Variants in PLA2G12A observed in about 807,000 individuals in gnomAD.
PLA2G12A encodes phospholipase A2 group XIIA.
In PLA2G12A, 11 loss-of-function variants were observed where a neutral mutation model predicts 16.0. That is an observed-to-expected ratio of 0.69 (90% CI 0.43 to 1.13). The LOEUF is 1.13. Ranked by LOEUF, PLA2G12A falls within the 50% of genes most tolerant of loss-of-function variation. The probability of loss-of-function intolerance (pLI) is 0.00; values close to 1 mark genes in which losing one functional copy is unlikely to be tolerated. For missense variants in PLA2G12A, 214 were observed against 237.3 expected (o/e 0.90, Z 0.65); for synonymous variants, 77 against 93.8 (o/e 0.82, Z 1.03).
intron 2 of PLA2G12A, among the ~76,000 whole-genome samples, chr4:109,718,278 C>T (rs1730862740): frequency 6.6e-6 from 1 of 152,158 alleles, no homozygotes; most frequent in African/African-American, 2.4e-5. Flanking sequence ...GTCTAGGAAT[C>T]ATTCTCATAA....
intron 1 of PLA2G12A, among the ~76,000 whole-genome samples, chr4:109,725,875 C>T (rs1419206364): frequency 6.6e-6 from 1 of 152,194 alleles, no homozygotes; most frequent in East Asian, 1.9e-4. Flanking sequence ...AACCTGCACT[C>T]CCAAACACTT....
intron 3 of PLA2G12A, among the ~76,000 whole-genome samples, chr4:109,716,947 G>T (rs769781453): frequency 6.6e-6 from 1 of 152,184 alleles, no homozygotes; most frequent in Non-Finnish European, 1.5e-5. Flanking sequence ...GAAATCAGAA[G>T]GTGAGGCCTT....
rs1730726548 is a variant in PLA2G12A at position 109,711,380 on chromosome 4, T to G, written c.*2997A>C. 1 of 152,142 alleles carries G rather than the reference T, an allele frequency of 6.6e-6. No individual in the cohort carries two copies. Among genetic ancestry groups the G allele is most frequent in the Non-Finnish European group, 1.5e-5 (1 of 68,024 alleles). 9.4% of individuals were successfully genotyped at this position (152,142 alleles called of 1,614,324 possible). Reference sequence around the variant, plus strand: ...CAGGGCTCTTTGGAGCAGGGGTTGATTCTAGGGATTCTAGGGTTGGGGCAG... The same window carrying G: ...CAGGGCTCTTTGGAGCAGGGGTTGAGTCTAGGGATTCTAGGGTTGGGGCAG... On this transcript the variant is annotated 3_prime_UTR_variant, in exon 4 of 4. Coordinates refer to ENST00000243501, the MANE Select transcript of PLA2G12A (RefSeq NM_030821.5).
chr4:109,725,028 TA>T (rs996140011), intron 1 of PLA2G12A, among the ~76,000 whole-genome samples: 1 of 152,196 alleles, frequency 6.6e-6, no homozygotes, highest in African/African-American at 2.4e-5. Context: ...TTACCCAATC[TA>T]AAATAGCACC....
At position 109,729,950 on chromosome 4, in the gene PLA2G12A, G is replaced by A; in HGVS notation, c.-141C>T. Reference sequence around the variant, plus strand: ...CATATCCACGCCTCCTTCCCGGCTGGCCCTCAGGATCTCGCTGTCTTTACG... The same window carrying A: ...CATATCCACGCCTCCTTCCCGGCTGACCCTCAGGATCTCGCTGTCTTTACG... On this transcript the variant is annotated 5_prime_UTR_variant, in exon 1 of 4. Coordinates refer to ENST00000243501, the MANE Select transcript of PLA2G12A (RefSeq NM_030821.5). 1.5e-6 allele frequency: 1 copy of A among 685,880 alleles called. No individual in the cohort carries two copies. Among genetic ancestry groups the A allele is most frequent in the Non-Finnish European group, 2.3e-6 (1 of 435,496 alleles). The allele number at this position is 685,880 out of a possible 1,614,324, so 42.5% of individuals were successfully genotyped here.
intron 1 of PLA2G12A, among the ~76,000 whole-genome samples, chr4:109,724,965 G>GT (rs1424250430): frequency 6.6e-6 from 1 of 152,178 alleles, no homozygotes; most frequent in East Asian, 1.9e-4. Flanking sequence ...TGGTTCTTTA[G>GT]TTTTTTTCAA....
In PLA2G12A at chr4:109,717,684, C is replaced by A. The variant is rs370821523; in HGVS notation, c.315G>T (p.Lys105Asn). The change falls in exon 3 of 4, where the codon AAG (lysine) becomes AAT (asparagine). Residue 105 changes from lysine to asparagine, a missense_variant. Transcript: ENST00000243501. ...HLNIGIPSLT[K>N]CCNQHDRCYE... ...AGCACCTGTCGTGTTGGTTGCAACACTTTGTCAGGGAAGGGATACCAATGT... is the reference window on the plus strand; with the variant it reads ...AGCACCTGTCGTGTTGGTTGCAACAATTTGTCAGGGAAGGGATACCAATGT... 8 of 1,613,862 alleles carry A rather than the reference C, an allele frequency of 5.0e-6. No homozygotes were observed. In the Admixed American group the frequency reaches 1.2e-4, roughly 24 times the overall value.
chr4:109,729,489 G>A (rs1426250771), intron 1 of PLA2G12A, 113 bp downstream of exon 1: 1 of 1,192,950 alleles, frequency 8.4e-7, no homozygotes, highest in Non-Finnish European at 1.2e-6. Flanking sequence ...TTTTTCCACA[G>A]CCGAAGGACA....
rs67674001 is a variant in PLA2G12A at position 109,711,053 on chromosome 4, C to CTTTTTTTTTTTTTTTTTTTTT, written c.*3303_*3323dup. 5.2e-5 allele frequency: 3 copies of CTTTTTTTTTTTTTTTTTTTTT among 57,238 alleles called. No individual in the cohort carries two copies. Among genetic ancestry groups the CTTTTTTTTTTTTTTTTTTTTT allele is most frequent in the African/African-American group, 8.4e-5 (1 of 11,898 alleles). The allele number at this position is 57,238 out of a possible 1,614,324, so 3.5% of individuals were successfully genotyped here. A position where few individuals can be genotyped will look rare whatever the true frequency, so the allele number is the denominator to read the frequency against. The stretch of plus-strand genomic sequence containing the variant: ...AGAGCTGCTGACAGTTAGTTCTTGC[C>CTTTTTTTTTTTTTTTTTTTTT]TTTTTTTTTTTTTTTTTTTTTTTGC... On this transcript the variant is annotated 3_prime_UTR_variant, in exon 4 of 4. Transcript: ENST00000243501.
At chr4:109,726,058 G>GAA (rs1196650833) in intron 1 of PLA2G12A, among the ~76,000 whole-genome samples, 1 of 152,174 alleles carries the variant, frequency 6.6e-6, no homozygotes, top group African/African-American at 2.4e-5. Flanking sequence ...GCAATCAGGA[G>GAA]AACTTGAACA....
intron 1 of PLA2G12A, among the ~76,000 whole-genome samples, chr4:109,722,954 A>G (rs1391578965): frequency 1.3e-5 from 2 of 152,226 alleles, no homozygotes; most frequent in Non-Finnish European, 2.9e-5. Context: ...TGGAATATTC[A>G]TTATAAATGG....
At chr4:109,722,174 C>T (rs114547941) in intron 1 of PLA2G12A, among the ~76,000 whole-genome samples, 148 of 152,334 alleles carry the variant, frequency 9.7e-4, no homozygotes, top group African/African-American at 3.3e-3. Context: ...CTGGTCTTCC[C>T]ATGATTTCTC....
At chr4:109,717,823 A>G (rs1260170849) in intron 2 of PLA2G12A, 110 bp from the exon 3 acceptor site, 1 of 1,087,756 alleles carries the variant, frequency 9.2e-7, no homozygotes, top group African/African-American at 1.6e-5. Context: ...CTGTATAGAT[A>G]GTTCCAAAAT....
intron 1 of PLA2G12A, among the ~76,000 whole-genome samples, chr4:109,722,777 A>C (rs976607813): frequency 3.3e-5 from 5 of 152,180 alleles, no homozygotes. Context: ...CTATATCACT[A>C]ATCTACCTAT....
rs185081816 is a variant in PLA2G12A at position 109,717,715 on chromosome 4, T to A, written c.286-2A>T. The A allele has an allele frequency of 4.8e-5, 77 of 1,613,520 alleles. No individual in the cohort carries two copies. The East Asian group carries it at 1.6e-3, about 34-fold the overall frequency. Reference sequence around the variant, plus strand: ...CAGGGAAGGGATACCAATGTTAAGCTGCAAAAGGCATTTGGATGGATTACT... The same window carrying A: ...CAGGGAAGGGATACCAATGTTAAGCAGCAAAAGGCATTTGGATGGATTACT... On this transcript the variant is annotated splice_acceptor_variant, in intron 2 of 3. Transcript: ENST00000243501. LOFTEE classifies it high-confidence loss of function.
chr4:109,727,532 A>C (rs572426390), intron 1 of PLA2G12A, among the ~76,000 whole-genome samples: 2 of 152,176 alleles, frequency 1.3e-5, no homozygotes, highest in Non-Finnish European at 2.9e-5. Flanking sequence ...TGAGGCATAT[A>C]ACATTTCTTA....
intron 1 of PLA2G12A, among the ~76,000 whole-genome samples, chr4:109,726,964 T>C (rs1410883060): frequency 6.6e-6 from 1 of 151,392 alleles, no homozygotes; most frequent in Admixed American, 6.6e-5. Context: ...TCTTGATCTC[T>C]TTCGTGCAAC....
chr4:109,719,419 C>T (rs758962605), intron 1 of PLA2G12A, among the ~76,000 whole-genome samples: 4 of 151,934 alleles, frequency 2.6e-5, no homozygotes, highest in Admixed American at 6.5e-5. Flanking sequence ...TGATGAACTA[C>T]GGTACTCCAG....
rs370821523 is a variant in PLA2G12A, at chr4:109,717,684, C to G, written c.315G>C (p.Lys105Asn). ...HLNIGIPSLT[K>N]CCNQHDRCYE... is the part of the protein sequence containing the mutation. ...AGCACCTGTCGTGTTGGTTGCAACA[C>G]TTTGTCAGGGAAGGGATACCAATGT... is the stretch of plus-strand genomic sequence containing the variant. Residue 105 changes from lysine (K) to asparagine (N), a missense_variant, in exon 3 of 4, where the codon AAG (lysine) becomes AAC (asparagine). Physicochemically the swap from Lys to Asn is moderately conservative, Grantham distance 94. Transcript: ENST00000243501. The G allele has an allele frequency of 2.1e-5, 34 of 1,613,862 alleles. No homozygotes were observed. The highest frequency in any genetic ancestry group is 3.3e-5 in the Admixed American group (2 of 59,992).
Sources: gnomAD v4.1 joint callset for allele counts (sites outside exome capture counted in the v4.1 genomes callset) on GRCh38, gnomAD v4.1.1 for gene constraint, MANE v1.5 for transcripts, NCBI Gene and HGNC (gene_info 2026-07-23, HGNC 2026-07-21) for gene names.